Variants in DDX49 observed in about 807,000 individuals in gnomAD.
The protein encoded by DDX49 is DEAD-box helicase 49.
Under a neutral mutation model 56.3 loss-of-function variants are expected in DDX49, and 50 were observed. The observed-to-expected ratio is 0.89, with a 90% CI of 0.71 to 1.12. The LOEUF (loss-of-function observed/expected upper bound fraction) is 1.12, where lower values mean the gene tolerates loss of function less well. Ranked by LOEUF, DDX49 falls within the 50% of genes most tolerant of loss-of-function variation. DDX49 has a pLI of 0.00. For missense variants in DDX49, 614 were observed against 650.5 expected, an observed-to-expected ratio of 0.94 and a Z score of 0.61; for synonymous variants, 269 against 270.6, an observed-to-expected ratio of 0.99 and a Z score of 0.06.
rs143568852 is a variant in DDX49 at position 18,922,738 on chromosome 19, C to T, written c.770C>T (p.Thr257Met). 1.2e-5 allele frequency: 19 copies of T among 1,611,502 alleles called. No homozygotes were observed. The highest frequency in any genetic ancestry group is 9.3e-5 in the African/African-American group (7 of 74,898). Residue 257 changes from threonine to methionine, a missense_variant, in exon 6 of 13, where the codon ACG (threonine) becomes ATG (methionine). Coordinates refer to ENST00000247003, the MANE Select transcript of DDX49 (RefSeq NM_019070.5). ...EDWSIIIFTN[T>M]CKTCQILCMM... ...TGGTCCATTATCATCTTCACCAACA[C>T]GTGCAAGTGAGCGGGGCCCGCCTCT...
At position 18,920,643 on chromosome 19, in the gene DDX49, T is replaced by C; in HGVS notation, c.179T>C (p.Ile60Thr). ...SGKTAAFVLP[I>T]LQKLSEDPYG... ...AAGACAGCAGCGTTTGTCCTTCCCATCTTGCAGAAGCTGTCTGAGGATCCC... is the reference window on the plus strand; with the variant it reads ...AAGACAGCAGCGTTTGTCCTTCCCACCTTGCAGAAGCTGTCTGAGGATCCC... The change falls in exon 2 of 13, where the codon ATC becomes ACC. Residue 60 changes from isoleucine (I) to threonine (T), a missense_variant. Physicochemically the swap from Ile to Thr is moderately conservative, Grantham distance 89. Transcript: ENST00000247003. 6.2e-7 allele frequency: 1 copy of C among 1,611,882 alleles called. No individual in the cohort carries two copies. The highest frequency in any genetic ancestry group is 8.5e-7 in the Non-Finnish European group (1 of 1,178,144).
At chr19:18,926,207 C>T in intron 9 of DDX49, 96 bp from the exon 10 acceptor site, 1 of 1,318,562 alleles carries the variant, frequency 7.6e-7, no homozygotes, top group Non-Finnish European at 1.1e-6. Flanking sequence ...TTCAGCATCT[C>T]CAGGACCCCT....
chr19:18,925,735 C>A (rs756653239), intron 9 of DDX49, among the ~76,000 whole-genome samples: 15 of 152,286 alleles, frequency 9.8e-5, no homozygotes, highest in Non-Finnish European at 1.8e-4. Context: ...CAGGGAGGGG[C>A]ATGGTGTCCA....
intron 8 of DDX49, 83 bp from the exon 9 acceptor site, chr19:18,924,799 T>C: frequency 1.2e-6 from 2 of 1,612,646 alleles, no homozygotes; most frequent in South Asian, 1.1e-5. Flanking sequence ...AGCCCTAGCA[T>C]CCCTGCTGAG....
At chr19:18,923,840 C>T (rs1445315549) in intron 6 of DDX49, among the ~76,000 whole-genome samples, 3 of 146,508 alleles carry the variant, frequency 2.0e-5, no homozygotes, top group Non-Finnish European at 3.0e-5. Context: ...GAGAGTCTCA[C>T]GCTGTCCCCC....
In DDX49 at chr19:18,921,757, G is replaced by A; in HGVS notation, c.325+9G>A. On this transcript the variant is annotated intron_variant, in intron 3 of 12. Coordinates refer to ENST00000247003, the MANE Select transcript of DDX49 (RefSeq NM_019070.5). ...CATCGTCGGTGGCATGGGTACGGGA[G>A]CTGGGAGGCGGGGGAAGCCCCAGCA... is the stretch of plus-strand genomic sequence containing the variant. The A allele has an allele frequency of 1.9e-6, 3 of 1,614,154 alleles. No individual in the cohort carries two copies. Among genetic ancestry groups the A allele is most frequent in the Non-Finnish European group, 2.5e-6 (3 of 1,180,016 alleles).
At chr19:18,924,388 G>C (rs1319773632) in intron 7 of DDX49, 80 bp downstream of exon 7, 57 of 1,446,572 alleles carry the variant, frequency 3.9e-5, no homozygotes, top group Non-Finnish European at 5.3e-5. Flanking sequence ...CCTTCCTTCT[G>C]CCGGGCGCCT....
At chr19:18,925,644 G>A (rs895919613) in intron 9 of DDX49, among the ~76,000 whole-genome samples, 7 of 152,208 alleles carry the variant, frequency 4.6e-5, no homozygotes, top group African/African-American at 1.2e-4. Context: ...CCCAAGCCAG[G>A]TGATGAACTG....
rs369608763 is a variant in DDX49, at chr19:18,920,629, G to A, written c.165G>A (p.Ala55=). The A allele has an allele frequency of 7.4e-6, 12 of 1,611,570 alleles. No homozygotes were observed. In the African/African-American group the frequency reaches 1.5e-4, roughly 20 times the overall value. The part of the protein sequence containing the change: ...CAKTGSGKTA[A]FVLPILQKLS... ...AGACAGGCAGTGGGAAGACAGCAGC[G>A]TTTGTCCTTCCCATCTTGCAGAAGC... The change falls in exon 2 of 13, where the codon GCG becomes GCA. Residue 55 remains alanine (A), a synonymous_variant. Coordinates refer to ENST00000247003, the MANE Select transcript of DDX49 (RefSeq NM_019070.5).
chr19:18,924,772 C>G (rs2056947469), intron 8 of DDX49, 73 bp downstream of exon 8: 1 of 1,613,154 alleles, frequency 6.2e-7, no homozygotes, highest in Admixed American at 1.7e-5. Flanking sequence ...AGAAGGCTGG[C>G]CTCAGGCATG....
intron 10 of DDX49, 36 bp from the exon 11 acceptor site, chr19:18,927,730 T>TGGG: frequency 3.2e-6 from 5 of 1,561,140 alleles, no homozygotes; most frequent in Non-Finnish European, 4.4e-6. Context: ...TCACGTCTCC[T>TGGG]CCCCACCCCC....
At chr19:18,926,760 A>G (rs975909948) in intron 10 of DDX49, among the ~76,000 whole-genome samples, 1 of 152,198 alleles carries the variant, frequency 6.6e-6, no homozygotes, top group Non-Finnish European at 1.5e-5. Flanking sequence ...CACTGCATAG[A>G]CTGTCCTGAA....
chr19:18,926,268 C>G, intron 9 of DDX49, 35 bp from the exon 10 acceptor site: 2 of 1,557,266 alleles, frequency 1.3e-6, no homozygotes, highest in Non-Finnish European at 1.7e-6. Flanking sequence ...GTCCTGACGC[C>G]CAGCACATAG....
At chr19:18,926,503 G>C in intron 10 of DDX49, 126 bp downstream of exon 10, 2 of 1,018,078 alleles carry the variant, frequency 2.0e-6, no homozygotes, top group East Asian at 2.6e-5. Context: ...ATTTAGGCTG[G>C]GGCTTCCTTC....
rs1239556034 is a variant in DDX49, at chr19:18,919,844, G to C, written c.103G>C (p.Ala35Pro). ...PTPVQLGCIP[A>P]ILEGRDCLGC... Reference sequence around the variant, plus strand: ...GCCCGTGCAGCTCGGCTGCATCCCCGCCATCCTGGAGGGTGAGTATGGCCC... The same window carrying C: ...GCCCGTGCAGCTCGGCTGCATCCCCCCCATCCTGGAGGGTGAGTATGGCCC... The change falls in exon 1 of 13, where the codon GCC becomes CCC. Residue 35 changes from alanine to proline, a missense_variant. Coordinates refer to ENST00000247003, the MANE Select transcript of DDX49 (RefSeq NM_019070.5). 6.2e-7 allele frequency: 1 copy of C among 1,601,240 alleles called. No homozygotes were observed. Among genetic ancestry groups the C allele is most frequent in the African/African-American group, 1.3e-5 (1 of 74,748 alleles).
chr19:18,922,749 G>A lies in DDX49; in HGVS notation c.776+5G>A. On this transcript the variant is annotated splice_donor_5th_base_variant and intron_variant, in intron 6 of 12. Coordinates refer to ENST00000247003, the MANE Select transcript of DDX49 (RefSeq NM_019070.5). ...CATCTTCACCAACACGTGCAAGTGA[G>A]CGGGGCCCGCCTCTCCCCTCCCACC... The A allele has an allele frequency of 6.3e-7, 1 of 1,594,112 alleles. No individual in the cohort carries two copies. Among genetic ancestry groups the A allele is most frequent in the Non-Finnish European group, 8.5e-7 (1 of 1,169,904 alleles).
At position 18,928,240 on chromosome 19, in the gene DDX49, C is replaced by A; in HGVS notation, c.1376C>A (p.Ala459Asp). The change falls in exon 13 of 13, where the codon GCT becomes GAT. Residue 459 changes from alanine to aspartate, a missense_variant. Transcript: ENST00000247003. ...ETLKRQKAGR[A>D]GHKGRPPRTP... is the part of the protein sequence containing the mutation. Reference sequence around the variant, plus strand: ...CTGAAGCGACAGAAGGCTGGCAGGGCTGGCCACAAGGGGCGTCCACCCAGG... The same window carrying A: ...CTGAAGCGACAGAAGGCTGGCAGGGATGGCCACAAGGGGCGTCCACCCAGG... The A allele has an allele frequency of 6.3e-7, 1 of 1,588,204 alleles. No homozygotes were observed. The highest frequency in any genetic ancestry group is 1.8e-5 in the Admixed American group (1 of 55,552).
chr19:18,928,531 G>A lies in DDX49; in HGVS notation c.*215G>A. The A allele has an allele frequency of 8.9e-6, 5 of 561,018 alleles. No homozygotes were observed. The highest frequency in any genetic ancestry group is 1.2e-5 in the Non-Finnish European group (4 of 324,610). 34.8% of individuals were successfully genotyped at this position (561,018 alleles called of 1,614,324 possible). A position where few individuals can be genotyped will look rare whatever the true frequency, so the allele number is the denominator to read the frequency against. On this transcript the variant is annotated 3_prime_UTR_variant, in exon 13 of 13. Coordinates refer to ENST00000247003, the MANE Select transcript of DDX49 (RefSeq NM_019070.5). ...GGCCAAGATTCAGGCTGCAGGGGAA[G>A]AAAGAACATGACCGGGAGGTTGTGA...
Position 18,920,636 on chromosome 19 carries a change from C to CTTCCCA in DDX49, c.174_179dup (p.Pro59_Ile60dup). On this transcript the variant is annotated inframe_insertion, in exon 2 of 13. Transcript: ENST00000247003. ...CAGTGGGAAGACAGCAGCGTTTGTC[C>CTTCCCA]TTCCCATCTTGCAGAAGCTGTCTGA... 1.2e-6 allele frequency: 2 copies of CTTCCCA among 1,611,816 alleles called. No homozygotes were observed. The highest frequency in any genetic ancestry group is 1.7e-6 in the Non-Finnish European group (2 of 1,178,094).
Sources: allele counts gnomAD v4.1 joint callset (sites outside exome capture counted in the v4.1 genomes callset), GRCh38; gene constraint gnomAD v4.1.1; transcripts MANE v1.5; gene names NCBI Gene and HGNC (gene_info 2026-07-23, HGNC 2026-07-21).